NAV2: variants seen among roughly 807,000 people sequenced by gnomAD.
NAV2 encodes helicase, APC down-regulated 1.
A neutral mutation model predicts 223.2 loss-of-function variants in NAV2; 54 were observed. The observed-to-expected ratio is 0.24, with a 90% CI of 0.19 to 0.30. The LOEUF (loss-of-function observed/expected upper bound fraction) is 0.30. NAV2 is among the 10% of genes least tolerant of loss of function. The pLI is 1.00. For missense variants in NAV2, 2,806 were observed against 3,147.5 expected (o/e 0.89, Z 2.60); for synonymous variants, 1,279 against 1,239.3 (o/e 1.03, Z -0.67).
At chr11:19,793,789 T>G (rs1238080259) in intron 1 of NAV2, among the ~76,000 whole-genome samples, 1 of 152,234 alleles carries the variant, frequency 6.6e-6, no homozygotes, top group Non-Finnish European at 1.5e-5. Context: ...GCCTTCCTCC[T>G]GATATCATCT....
intron 1 of NAV2, among the ~76,000 whole-genome samples, chr11:19,671,889 A>T (rs1246664641): frequency 6.6e-6 from 1 of 152,186 alleles, no homozygotes; most frequent in Non-Finnish European, 1.5e-5. Flanking sequence ...CATGCTTAGC[A>T]CTGGTCTACA....
intron 1 of NAV2, among the ~76,000 whole-genome samples, chr11:19,398,735 C>G (rs143497002): frequency 1.2e-4 from 18 of 152,306 alleles, no homozygotes; most frequent in Non-Finnish European, 2.2e-4. Flanking sequence ...CTTGACCCAT[C>G]ATTTGGGATT....
At chr11:19,967,928 G>T (rs879480788) in intron 10 of NAV2, among the ~76,000 whole-genome samples, 3 of 152,126 alleles carry the variant, frequency 2.0e-5, no homozygotes, top group Non-Finnish European at 4.4e-5. Context: ...CCAGCCTGGG[G>T]GTGATAGTAG....
At chr11:19,883,117 A>G (rs1386082057) in intron 5 of NAV2, among the ~76,000 whole-genome samples, 2 of 152,180 alleles carry the variant, frequency 1.3e-5, no homozygotes, top group Non-Finnish European at 2.9e-5. Context: ...CCCACATGCC[A>G]GGTTTGTTTT....
At chr11:19,376,473 A>T (rs1231957133) in intron 1 of NAV2, among the ~76,000 whole-genome samples, 1 of 152,204 alleles carries the variant, frequency 6.6e-6, no homozygotes, top group Admixed American at 6.5e-5. Context: ...CGAGGGACTC[A>T]CCTGCTGTTA....
Position 19,952,325 on chromosome 11 carries a change from T to A in NAV2, c.2645+3245T>A, listed in dbSNP as rs965237352. On this transcript the variant is annotated intron_variant, in intron 10 of 37. Coordinates refer to ENST00000349880, the MANE Select transcript of NAV2 (RefSeq NM_145117.5). ...CTTGCCAGCTCTGTGACGTTAGGCA[T>A]GTCATTTGACTTCCCTGAGCTTTGA... is the stretch of plus-strand genomic sequence containing the variant. Among the ~76,000 whole-genome samples, 3 of 152,352 alleles carry A rather than the reference T, an allele frequency of 2.0e-5. No homozygotes were observed. The East Asian group carries it at 5.8e-4, about 29-fold the overall frequency.
In NAV2 at chr11:19,693,165, C is replaced by T. The variant is rs573791507; in HGVS notation, c.76-139319C>T. Among the ~76,000 whole-genome samples, 84 of 152,344 alleles carry T rather than the reference C, an allele frequency of 5.5e-4. 2 individuals carry two copies. In the South Asian group the frequency reaches 0.017, roughly 31 times the overall value. On this transcript the variant is annotated intron_variant, in intron 1 of 37. Coordinates refer to the NAV2 transcript ENST00000360655. ...ACTACCAGCCCACCTCTGCCAGGGC[C>T]CTTGGTTTCCTCTGTGTTTGAGGTG...
intron 3 of NAV2, among the ~76,000 whole-genome samples, chr11:19,858,819 A>G (rs2061525671): frequency 6.6e-6 from 1 of 152,236 alleles, no homozygotes; most frequent in African/African-American, 2.4e-5. Context: ...CTAGTGTCAC[A>G]TAATTTAACA....
intron 1 of NAV2, among the ~76,000 whole-genome samples, chr11:19,457,623 C>A (rs1327360054): frequency 6.6e-6 from 1 of 152,110 alleles, no homozygotes; most frequent in African/African-American, 2.4e-5. Context: ...TAAAAGGTCA[C>A]TAGGGCTGCC....
chr11:19,751,761 C>A (rs904777157), intron 1 of NAV2, among the ~76,000 whole-genome samples: 3 of 152,192 alleles, frequency 2.0e-5, no homozygotes, highest in Admixed American at 2.0e-4. Flanking sequence ...CAGTGGAATG[C>A]AAGCCCTGTG....
chr11:19,870,084 T>C (rs905961722), intron 4 of NAV2, among the ~76,000 whole-genome samples: 2 of 152,204 alleles, frequency 1.3e-5, no homozygotes, highest in African/African-American at 4.8e-5. Context: ...ATAACTCTGA[T>C]GTGCTGGACC....
At chr11:20,014,301 C>T (rs534834844) in intron 11 of NAV2, among the ~76,000 whole-genome samples, 1 of 152,318 alleles carries the variant, frequency 6.6e-6, no homozygotes, top group South Asian at 2.1e-4. Flanking sequence ...AAGAGTAGCA[C>T]TGAAACATTT....
intron 1 of NAV2, among the ~76,000 whole-genome samples, chr11:19,759,715 G>A (rs1284877427): frequency 6.6e-6 from 1 of 152,102 alleles, no homozygotes; most frequent in African/African-American, 2.4e-5. Flanking sequence ...TTTCCTGTTT[G>A]TAAAATATAA....
intron 1 of NAV2, among the ~76,000 whole-genome samples, chr11:19,796,694 G>T (rs1176016573): frequency 6.6e-6 from 1 of 152,142 alleles, no homozygotes; most frequent in Non-Finnish European, 1.5e-5. Flanking sequence ...TGGTAGCATT[G>T]TACTACTCCA....
At chr11:19,589,338 A>C (rs942805985) in intron 1 of NAV2, among the ~76,000 whole-genome samples, 1 of 152,208 alleles carries the variant, frequency 6.6e-6, no homozygotes, top group East Asian at 1.9e-4. Flanking sequence ...GAAAAATGGG[A>C]CCACCTGCAT....
chr11:19,876,614 C>G (rs999132730), intron 4 of NAV2, among the ~76,000 whole-genome samples: 1 of 152,072 alleles, frequency 6.6e-6, no homozygotes, highest in African/African-American at 2.4e-5. Flanking sequence ...GAACAATGGC[C>G]ATTCTGATCA....
chr11:19,944,652 C>A (rs532729679), intron 8 of NAV2, among the ~76,000 whole-genome samples: 117 of 133,972 alleles, frequency 8.7e-4, no homozygotes, highest in Non-Finnish European at 1.4e-3. Context: ...CTTTTCTTTC[C>A]TTTCCTTTTC....
intron 1 of NAV2, among the ~76,000 whole-genome samples, chr11:19,480,264 C>T (rs2042238797): frequency 6.6e-6 from 1 of 152,092 alleles, no homozygotes; most frequent in African/African-American, 2.4e-5. Flanking sequence ...ATATACTTTA[C>T]CAGGCACCCC....
intron 5 of NAV2, among the ~76,000 whole-genome samples, chr11:19,890,036 A>G (rs1002048714): frequency 1.3e-5 from 2 of 152,074 alleles, no homozygotes; most frequent in Non-Finnish European, 2.9e-5. Flanking sequence ...CCCTTCATGA[A>G]CCCGTGTTCA....
Sources: allele counts gnomAD v4.1 joint callset (sites outside exome capture counted in the v4.1 genomes callset), GRCh38; gene constraint gnomAD v4.1.1; transcripts MANE v1.5; gene names NCBI Gene and HGNC (gene_info 2026-07-23, HGNC 2026-07-21).